SMC2: variants seen among roughly 807,000 people sequenced by gnomAD.
SMC2 encodes the protein structural maintenance of chromosomes protein 2.
SMC2 carries 41 observed loss-of-function variants against 142.6 expected under a neutral mutation model. That is an observed-to-expected ratio of 0.29 (90% CI 0.22 to 0.37). The LOEUF is 0.37. Ranked by LOEUF, SMC2 falls within the 10% of genes least tolerant of loss-of-function variation. SMC2 has a pLI of 1.00. For missense variants in SMC2, 1,265 were observed against 1,373.7 expected (o/e 0.92, Z 1.25); for synonymous variants, 463 against 457.5 (o/e 1.01, Z -0.15).
intron 9 of SMC2, among the ~76,000 whole-genome samples, chr9:104,104,640 C>T (rs145420836): frequency 1.2e-4 from 19 of 152,264 alleles, no homozygotes; most frequent in Non-Finnish European, 1.9e-4. Flanking sequence ...GAACTGTAAG[C>T]CAGGGAGGGA....
Position 104,102,464 on chromosome 9 carries a change from C to G in SMC2, c.911C>G (p.Ala304Gly), listed in dbSNP as rs1171432338. ...GILRSLEDAL[A>G]EAQRVNTKSQ... The stretch of plus-strand genomic sequence containing the variant: ...CTTCGATCTTTAGAAGATGCTCTTG[C>G]AGAGGCTCAGCGAGTTAATACTAAA... The change falls in exon 9 of 25, where the codon GCA becomes GGA. Residue 304 changes from alanine (A) to glycine (G), a missense_variant. Coordinates refer to ENST00000374793, the MANE Select transcript of SMC2 (RefSeq NM_006444.3). The G allele has an allele frequency of 6.2e-7, 1 of 1,612,200 alleles. No individual in the cohort carries two copies. The highest frequency in any genetic ancestry group is 8.5e-7 in the Non-Finnish European group (1 of 1,179,210).
chr9:104,138,072 A>T lies in SMC2; in HGVS notation c.3324A>T (p.Pro1108=). 3 of 1,610,668 alleles carry T rather than the reference A, an allele frequency of 1.9e-6. No individual in the cohort carries two copies. Among genetic ancestry groups the T allele is most frequent in the Non-Finnish European group, 2.5e-6 (3 of 1,177,824 alleles). The change falls in exon 24 of 25, where the codon CCA becomes CCT. Residue 1108 remains proline, a synonymous_variant. Coordinates refer to ENST00000374793, the MANE Select transcript of SMC2 (RefSeq NM_006444.3). ...ILSMLLFKPA[P]IYILDEVDAA... ...CCATGCTTCTCTTCAAACCTGCTCC[A>T]ATTTATATCCTTGATGAGGTAGATG...
Position 104,114,684 on chromosome 9 carries a change from AT to A in SMC2, c.1533-4del, listed in dbSNP as rs1240827743. ...AAGATTAATTTTTGTCAACTTTTGTATTTCAGGGATCCAGAGAAGAACTGGA... is the reference window on the plus strand; with the variant it reads ...AAGATTAATTTTTGTCAACTTTTGTATTCAGGGATCCAGAGAAGAACTGGA... On this transcript the variant is annotated splice_region_variant and splice_polypyrimidine_tract_variant and intron_variant, in intron 12 of 24. Coordinates refer to ENST00000374793, the MANE Select transcript of SMC2 (RefSeq NM_006444.3). 6.2e-7 allele frequency: 1 copy of A among 1,605,996 alleles called. No homozygotes were observed. Among genetic ancestry groups the A allele is most frequent in the East Asian group, 2.2e-5 (1 of 44,764 alleles).
At chr9:104,135,995 C>G (rs1373452121) in intron 23 of SMC2, 2 of 505,316 alleles carry the variant, frequency 4.0e-6, no homozygotes, top group African/African-American at 3.9e-5. Context: ...ATTTGGAGTT[C>G]AGGGAAGTTT....
chr9:104,119,739 G>T (rs549060019), intron 15 of SMC2, among the ~76,000 whole-genome samples: 3 of 152,212 alleles, frequency 2.0e-5, no homozygotes, highest in East Asian at 3.9e-4. Flanking sequence ...CATTTCATTG[G>T]CCAGAGCAAA....
At position 104,102,071 on chromosome 9, in the gene SMC2, G is replaced by T; in HGVS notation, c.748G>T (p.Ala250Ser). 17 of 1,610,648 alleles carry T rather than the reference G, an allele frequency of 1.1e-5. No homozygotes were observed. The highest frequency in any genetic ancestry group is 1.4e-5 in the Non-Finnish European group (17 of 1,177,176). ...LLAEDTKVRS[A>S]EELKEMQDKV... is the part of the protein sequence containing the mutation. ...GGCTGAAGATACCAAAGTACGCTCAGCTGAGGAATTAAAAGAAATGCAAGA... is the reference window on the plus strand; with the variant it reads ...GGCTGAAGATACCAAAGTACGCTCATCTGAGGAATTAAAAGAAATGCAAGA... Residue 250 changes from alanine to serine, a missense_variant, in exon 8 of 25, where the codon GCT becomes TCT. Transcript: ENST00000374793.
chr9:104,100,125 C>A lies in SMC2; in HGVS notation c.513C>A (p.Thr171=). The A allele has an allele frequency of 6.3e-7, 1 of 1,577,968 alleles. No individual in the cohort carries two copies. Among genetic ancestry groups the A allele is most frequent in the African/African-American group, 1.4e-5 (1 of 72,414 alleles). The change falls in exon 6 of 25, where the codon ACC becomes ACA. Residue 171 remains threonine (T), a synonymous_variant. Coordinates refer to ENST00000374793, the MANE Select transcript of SMC2 (RefSeq NM_006444.3). ...CCATGATAGAAGAAGCAGCTGGAACCAGGATGTATGAATACAAAAAAATAG... is the reference window on the plus strand; with the variant it reads ...CCATGATAGAAGAAGCAGCTGGAACAAGGATGTATGAATACAAAAAAATAG... ...ILSMIEEAAG[T]RMYEYKKIAA...
intron 19 of SMC2, 69 bp from the exon 20 acceptor site, chr9:104,127,217 A>G: frequency 8.1e-7 from 1 of 1,241,736 alleles, no homozygotes; most frequent in Non-Finnish European, 1.1e-6. Flanking sequence ...CTGTCAGATA[A>G]TTGTTTAGTA....
intron 22 of SMC2, among the ~76,000 whole-genome samples, chr9:104,133,374 A>G (rs1474309282): frequency 2.0e-5 from 3 of 152,156 alleles, no homozygotes; most frequent in Non-Finnish European, 2.9e-5. Context: ...TCTGTAGGAT[A>G]TTATTCAGCA....
chr9:104,117,268 A>G (rs950293911), intron 14 of SMC2, among the ~76,000 whole-genome samples: 1 of 152,194 alleles, frequency 6.6e-6, no homozygotes, highest in Non-Finnish European at 1.5e-5. Flanking sequence ...ATTTCAAGTA[A>G]CAGCAAAAAT....
intron 13 of SMC2, among the ~76,000 whole-genome samples, chr9:104,115,404 A>G (rs1816300428): frequency 6.6e-6 from 1 of 151,936 alleles, no homozygotes; most frequent in Admixed American, 6.6e-5. Flanking sequence ...GCAAAACCCC[A>G]TCTCTACTGA....
rs760175373 is a variant in SMC2 at position 104,120,179 on chromosome 9, C to CT, written c.2132+24dup. On this transcript the variant is annotated intron_variant, in intron 16 of 24. Transcript: ENST00000374793. The stretch of plus-strand genomic sequence containing the variant: ...TGCTGAAAAGTAAGAACTGCATATA[C>CT]TTTTTTTAATTAAAGATTTGCATAG... 1.5e-5 allele frequency: 24 copies of CT among 1,563,160 alleles called. No individual in the cohort carries two copies. Among genetic ancestry groups the CT allele is most frequent in the Non-Finnish European group, 3.4e-6 (4 of 1,161,404 alleles).
At chr9:104,110,803 G>A (rs564539917) in intron 9 of SMC2, among the ~76,000 whole-genome samples, 11 of 152,200 alleles carry the variant, frequency 7.2e-5, no homozygotes, top group Non-Finnish European at 1.6e-4. Context: ...TGTTCAAATG[G>A]CATTTCAAAG....
chr9:104,135,847 G>A (rs778884764), intron 23 of SMC2: 2 of 518,574 alleles, frequency 3.9e-6, no homozygotes, highest in Non-Finnish European at 7.7e-6. Context: ...TCAAATTGAA[G>A]GCAATATGAA....
At chr9:104,136,715 C>T (rs1835568889) in intron 23 of SMC2, among the ~76,000 whole-genome samples, 1 of 150,350 alleles carries the variant, frequency 6.7e-6, no homozygotes. Flanking sequence ...AGGTGATTAA[C>T]AGTCTCACTG....
chr9:104,124,207 CT>C (rs1171998806), intron 17 of SMC2, among the ~76,000 whole-genome samples: 18 of 152,260 alleles, frequency 1.2e-4, no homozygotes, highest in Non-Finnish European at 2.4e-4. Flanking sequence ...CTTCCTCAGC[CT>C]CCCGAGTAGC....
At chr9:104,106,626 C>T (rs1461518987) in intron 9 of SMC2, among the ~76,000 whole-genome samples, 1 of 152,098 alleles carries the variant, frequency 6.6e-6, no homozygotes, top group Non-Finnish European at 1.5e-5. Context: ...CTCCCGACCT[C>T]AGGTGATCCA....
In SMC2 at chr9:104,102,013, G is replaced by A; in HGVS notation, c.690G>A (p.Leu230=). 13 of 1,611,542 alleles carry A rather than the reference G, an allele frequency of 8.1e-6. No homozygotes were observed. Among genetic ancestry groups the A allele is most frequent in the Admixed American group, 1.7e-5 (1 of 59,744 alleles). The part of the protein sequence containing the change: ...YQKVMREIEH[L]SRLYIAYQFL... Reference sequence around the variant, plus strand: ...AAGTAATGAGAGAAATAGAACATTTGAGTCGTTTATATATTGCTTATCAGT... The same window carrying A: ...AAGTAATGAGAGAAATAGAACATTTAAGTCGTTTATATATTGCTTATCAGT... Residue 230 remains leucine (L), a synonymous_variant, in exon 8 of 25, where the codon TTG becomes TTA. Coordinates refer to ENST00000374793, the MANE Select transcript of SMC2 (RefSeq NM_006444.3).
At position 104,115,772 on chromosome 9, in the gene SMC2, A is replaced by G. The variant is rs552993678; in HGVS notation, c.1672-428A>G. Among the ~76,000 whole-genome samples, 17 of 152,286 alleles carry G rather than the reference A, an allele frequency of 1.1e-4. No homozygotes were observed. In the South Asian group the frequency reaches 3.1e-3, roughly 28 times the overall value. On this transcript the variant is annotated intron_variant, in intron 13 of 24. Transcript: ENST00000374793. ...TAGTATTAATTATAGTCCTCATGCTATACATTACATCTCTGAATAGGTAGA... is the reference window on the plus strand; with the variant it reads ...TAGTATTAATTATAGTCCTCATGCTGTACATTACATCTCTGAATAGGTAGA...
Sources: allele counts gnomAD v4.1 joint callset (sites outside exome capture counted in the v4.1 genomes callset), GRCh38; gene constraint gnomAD v4.1.1; transcripts MANE v1.5; gene names NCBI Gene and HGNC (gene_info 2026-07-23, HGNC 2026-07-21).